The following KRAS variants were observed in gnomAD, a reference collection of about 807,000 sequenced individuals.
KRAS encodes KRas proto-oncogene, GTPase.
In KRAS, 1 loss-of-function variant was observed where a neutral mutation model predicts 21.0. The observed-to-expected ratio is 0.05, with a 90% CI of 0.02 to 0.23. The LOEUF (loss-of-function observed/expected upper bound fraction) is 0.23, where lower values mean the gene tolerates loss of function less well. Among genes scored for constraint, KRAS ranks in the 10% least tolerant of loss-of-function variants. The pLI, the probability that KRAS is intolerant of heterozygous loss-of-function variation, is 1.00. For missense variants in KRAS, 107 were observed against 221.8 expected (o/e 0.48, Z 3.29); for synonymous variants, 67 against 72.5 (o/e 0.92, Z 0.39).
chr12:25,240,899 C>A (rs1398180578), intron 2 of KRAS, among the ~76,000 whole-genome samples: 2 of 152,148 alleles, frequency 1.3e-5, no homozygotes, highest in African/African-American at 4.8e-5. Context: ...CAGGTGCTCA[C>A]AACTATTCTA....
intron 4 of KRAS, among the ~76,000 whole-genome samples, chr12:25,221,159 C>T (rs1025834682): frequency 6.6e-6 from 1 of 151,344 alleles, no homozygotes; most frequent in Non-Finnish European, 1.5e-5. Flanking sequence ...CTTCTAGTAG[C>T]TAATCAAACA....
Position 25,206,070 on chromosome 12 carries a change from TA to T in KRAS, c.*3724del. 1.4e-5 allele frequency: 3 copies of T among 208,180 alleles called. No individual in the cohort carries two copies. The highest frequency in any genetic ancestry group is 1.9e-5 in the Non-Finnish European group (2 of 102,856). The allele number at this position is 208,180 out of a possible 1,614,324, so 12.9% of individuals were successfully genotyped here. On this transcript the variant is annotated 3_prime_UTR_variant, in exon 5 of 5. Transcript: ENST00000311936. ...TTTTGCTGTCTAAAAAAAAATCCCC[TA>T]AAAAAAGTTATATACTGTTTGAAGA...
chr12:25,244,698 T>C (rs777099333), intron 2 of KRAS, among the ~76,000 whole-genome samples: 8 of 152,174 alleles, frequency 5.3e-5, no homozygotes, highest in Non-Finnish European at 8.8e-5. Context: ...TAAATCCTAG[T>C]ATTTCCTTGA....
intron 4 of KRAS, among the ~76,000 whole-genome samples, chr12:25,223,173 TA>T (rs1331939988): frequency 6.6e-6 from 1 of 152,206 alleles, no homozygotes; most frequent in Admixed American, 6.5e-5. Context: ...AAATGTAAGC[TA>T]AAATGTTCAG....
intron 4 of KRAS, among the ~76,000 whole-genome samples, chr12:25,224,441 CA>C (rs1227499983): frequency 6.7e-6 from 1 of 149,942 alleles, no homozygotes; most frequent in African/African-American, 2.5e-5. Context: ...TAAAAACAAA[CA>C]AAAAATTTTA....
chr12:25,250,886 CTG>C lies in KRAS; in HGVS notation c.-149_-148del. ...GCCGCCGCCACCTTCGCCGCCGCCACTGCCGCCGCCGCTGCTGCCTCCGCCGC... is the reference window on the plus strand; with the variant it reads ...GCCGCCGCCACCTTCGCCGCCGCCACCCGCCGCCGCTGCTGCCTCCGCCGC... On this transcript the variant is annotated 5_prime_UTR_variant, in exon 1 of 5. Coordinates refer to ENST00000311936, the MANE Select transcript of KRAS (RefSeq NM_004985.5). The C allele has an allele frequency of 4.0e-6, 1 of 247,976 alleles. No homozygotes were observed. The highest frequency in any genetic ancestry group is 7.6e-6 in the Non-Finnish European group (1 of 131,306). 15.4% of individuals were successfully genotyped at this position (247,976 alleles called of 1,614,324 possible).
chr12:25,235,762 T>G (rs1259533307), intron 2 of KRAS, among the ~76,000 whole-genome samples: 3 of 152,056 alleles, frequency 2.0e-5, no homozygotes, highest in African/African-American at 7.2e-5. Context: ...CCATATAACT[T>G]TAGCTTAGAA....
At chr12:25,217,958 T>C (rs1951273810) in intron 4 of KRAS, among the ~76,000 whole-genome samples, 1 of 152,202 alleles carries the variant, frequency 6.6e-6, no homozygotes, top group African/African-American at 2.4e-5. Context: ...GGAAAGGGTT[T>C]ATTATTTTTA....
intron 2 of KRAS, among the ~76,000 whole-genome samples, chr12:25,232,627 A>G (rs183957429): frequency 1.3e-5 from 2 of 152,198 alleles, no homozygotes; most frequent in South Asian, 2.1e-4. Context: ...TAGGTACATA[A>G]GTTACCAAGG....
rs746112218 is a variant in KRAS at position 25,248,053 on chromosome 12, G to T, written c.-11-2658C>A. 1.9e-4 allele frequency among the ~76,000 whole-genome samples: 29 copies of T among 151,592 alleles called. No individual in the cohort carries two copies. The East Asian group carries it at 5.5e-3, about 29-fold the overall frequency. ...GGATTTTTTTTTTCTTTATAACAAG[G>T]TCTCACTATGTTGAGTACGCTGGTC... On this transcript the variant is annotated intron_variant, in intron 1 of 4. Coordinates refer to ENST00000311936, the MANE Select transcript of KRAS (RefSeq NM_004985.5).
chr12:25,226,459 G>C (rs887871973), intron 3 of KRAS, among the ~76,000 whole-genome samples: 1 of 152,102 alleles, frequency 6.6e-6, no homozygotes, highest in African/African-American at 2.4e-5. Context: ...GGTAAACTTG[G>C]ATAATAGAGC....
chr12:25,218,244 A>G (rs1166592908), intron 4 of KRAS, among the ~76,000 whole-genome samples: 1 of 152,026 alleles, frequency 6.6e-6, no homozygotes, highest in African/African-American at 2.4e-5. Context: ...AAAAAAAGTT[A>G]TAATGTCAAT....
chr12:25,210,440 T>G (rs1386969008), intron 4 of KRAS, among the ~76,000 whole-genome samples: 1 of 152,158 alleles, frequency 6.6e-6, no homozygotes, highest in African/African-American at 2.4e-5. Flanking sequence ...CCTATTCCAA[T>G]AATTTATCAA....
intron 2 of KRAS, chr12:25,234,389 C>T (rs1951517585): frequency 5.5e-6 from 1 of 181,282 alleles, no homozygotes; most frequent in Non-Finnish European, 1.2e-5. Context: ...GGTTGGTACA[C>T]ACATGAGGTT....
chr12:25,249,476 C>T (rs1033390931), intron 1 of KRAS, among the ~76,000 whole-genome samples: 3 of 149,976 alleles, frequency 2.0e-5, no homozygotes, highest in African/African-American at 7.4e-5. Context: ...CTACTAGTCC[C>T]AGCTACTCGG....
At chr12:25,212,936 TTGCCTAGGCTACAG>T (rs976836803) in intron 4 of KRAS, among the ~76,000 whole-genome samples, 1 of 152,108 alleles carries the variant, frequency 6.6e-6, no homozygotes, top group African/African-American at 2.4e-5. Flanking sequence ...TCTCTTTCTG[TTGCCTAGGCTACAG>T]TGCCATGGCA....
chr12:25,228,470 T>C (rs1055455151), intron 2 of KRAS, among the ~76,000 whole-genome samples: 5 of 151,976 alleles, frequency 3.3e-5, no homozygotes, highest in African/African-American at 1.2e-4. Flanking sequence ...ACAACACAGA[T>C]GAACCTTGAA....
intron 4 of KRAS, among the ~76,000 whole-genome samples, chr12:25,221,024 CAAAAA>C (rs67015511): frequency 3.2e-3 from 275 of 84,786 alleles, no homozygotes; most frequent in Middle Eastern, 0.02. Context: ...GACTCTGCCT[CAAAAA>C]AAAAAAAAAA....
chr12:25,218,918 TG>T (rs1425127972), intron 4 of KRAS, among the ~76,000 whole-genome samples: 1 of 110,518 alleles, frequency 9.0e-6, no homozygotes, highest in African/African-American at 2.8e-5. Flanking sequence ...GGGGGTTTTT[TG>T]TTTTTTTTTA....
Sources: allele counts gnomAD v4.1 joint callset (sites outside exome capture counted in the v4.1 genomes callset), GRCh38; gene constraint gnomAD v4.1.1; transcripts MANE v1.5; gene names NCBI Gene and HGNC (gene_info 2026-07-23, HGNC 2026-07-21).